DGKB: variants seen among roughly 807,000 people sequenced by gnomAD.
The protein encoded by DGKB is 90 kDa diacylglycerol kinase.
In DGKB, 67 loss-of-function variants were observed where a neutral mutation model predicts 114.3. That is an observed-to-expected ratio of 0.59 (90% CI 0.48 to 0.72). The LOEUF (loss-of-function observed/expected upper bound fraction) is 0.72. Among genes scored for constraint, DGKB ranks in the 30% least tolerant of loss-of-function variants. The probability of loss-of-function intolerance (pLI) is 0.00; values close to 1 mark genes in which losing one functional copy is unlikely to be tolerated. For missense variants in DGKB, 907 were observed against 975.2 expected (o/e 0.93, Z 0.93); for synonymous variants, 398 against 323.1 (o/e 1.23, Z -2.49).
At chr7:14,867,318 T>C (rs1851836139) in intron 1 of DGKB, among the ~76,000 whole-genome samples, 1 of 152,172 alleles carries the variant, frequency 6.6e-6, no homozygotes, top group East Asian at 1.9e-4. Flanking sequence ...GTCATCTAAG[T>C]ATTCTCTTAT....
In DGKB at chr7:14,148,847, A is replaced by C; in HGVS notation, c.*284T>G. 1 of 409,964 alleles carries C rather than the reference A, an allele frequency of 2.4e-6. No individual in the cohort carries two copies. The highest frequency in any genetic ancestry group is 4.4e-6 in the Non-Finnish European group (1 of 227,460). The allele number at this position is 409,964 out of a possible 1,614,324, so 25.4% of individuals were successfully genotyped here. On this transcript the variant is annotated 3_prime_UTR_variant, in exon 26 of 26. Transcript: ENST00000402815. ...CAGGTTAGTAAAAGGAAATTGGGGA[A>C]GAGTTGGGTGGGAGATGTAAAAATC...
chr7:14,841,016 C>G (rs1035497656), intron 2 of DGKB, among the ~76,000 whole-genome samples, 178 bp downstream of exon 2: 1 of 151,982 alleles, frequency 6.6e-6, no homozygotes, highest in East Asian at 1.9e-4. Context: ...TTTAATTTAC[C>G]TTTTCCTTTC....
chr7:14,575,210 CCT>C (rs1012864123), intron 19 of DGKB, among the ~76,000 whole-genome samples: 2 of 152,098 alleles, frequency 1.3e-5, no homozygotes, highest in Admixed American at 1.3e-4. Context: ...CTCAGATGCC[CCT>C]CTCACAGTCC....
At chr7:14,696,690 G>A (rs992430004) in intron 8 of DGKB, among the ~76,000 whole-genome samples, 17 of 152,040 alleles carry the variant, frequency 1.1e-4, no homozygotes, top group African/African-American at 3.9e-4. Context: ...AGAAATTCCT[G>A]GCTTTCAGTG....
chr7:14,267,488 T>A (rs1797685319), intron 23 of DGKB, among the ~76,000 whole-genome samples: 4 of 151,880 alleles, frequency 2.6e-5, no homozygotes, highest in African/African-American at 7.3e-5. Context: ...TCTTTTTTTT[T>A]TTATTATTTA....
At chr7:14,434,826 G>C (rs1829000434) in intron 21 of DGKB, among the ~76,000 whole-genome samples, 1 of 152,012 alleles carries the variant, frequency 6.6e-6, no homozygotes, top group Non-Finnish European at 1.5e-5. Context: ...GAACAAGATG[G>C]GAAACCAGTA....
chr7:14,899,703 C>T (rs1196438119), intron 1 of DGKB, among the ~76,000 whole-genome samples: 1 of 151,978 alleles, frequency 6.6e-6, no homozygotes, highest in Non-Finnish European at 1.5e-5. Context: ...GTGAGTGTGC[C>T]AACTTTGGAT....
At chr7:14,454,010 A>T (rs1477340861) in intron 21 of DGKB, among the ~76,000 whole-genome samples, 1 of 152,194 alleles carries the variant, frequency 6.6e-6, no homozygotes, top group East Asian at 1.9e-4. Flanking sequence ...TTTGTATTAT[A>T]TCTTATTGAT....
intron 25 of DGKB, among the ~76,000 whole-genome samples, chr7:14,160,557 C>G (rs1584133761): frequency 6.6e-6 from 1 of 152,158 alleles, no homozygotes; most frequent in South Asian, 2.1e-4. Context: ...GACTTACTTA[C>G]AAGGGATGTG....
chr7:14,928,236 T>C lies in DGKB; in HGVS notation c.-188+46460A>G, dbSNP rs571251855. ...GCTTGCATCCTAGTGCATGAGTTTA[T>C]AGAAATCTATTTAGTTGTAATCATG... On this transcript the variant is annotated intron_variant, in intron 1 of 4. Coordinates refer to the DGKB transcript ENST00000437998. Among the ~76,000 whole-genome samples the C allele has an allele frequency of 5.3e-5, 8 of 152,114 alleles. No individual in the cohort carries two copies. In the South Asian group the frequency reaches 1.4e-3, roughly 28 times the overall value.
At chr7:14,656,723 GATAT>G (rs1380145838) in intron 13 of DGKB, among the ~76,000 whole-genome samples, 2 of 139,418 alleles carry the variant, frequency 1.4e-5, no homozygotes, top group Non-Finnish European at 3.1e-5. Flanking sequence ...ATACATATAG[GATAT>G]ATATACAGTA....
intron 1 of DGKB, among the ~76,000 whole-genome samples, chr7:14,946,412 A>G (rs1446573036): frequency 6.6e-6 from 1 of 151,762 alleles, no homozygotes; most frequent in Non-Finnish European, 1.5e-5. Context: ...TCTTCTTAAT[A>G]TATTTCTTTG....
At chr7:14,703,087 T>G (rs1309009951) in intron 6 of DGKB, among the ~76,000 whole-genome samples, 3 of 152,164 alleles carry the variant, frequency 2.0e-5, no homozygotes, top group African/African-American at 7.2e-5. Flanking sequence ...AACAGCAACT[T>G]ACAACATTGT....
chr7:14,735,936 C>A lies in DGKB; in HGVS notation c.322+105G>T, dbSNP rs541526965. On this transcript the variant is annotated intron_variant, in intron 5 of 25. Coordinates refer to ENST00000402815, the MANE Select transcript of DGKB (RefSeq NM_001350709.2). ...TATTGTAAAAGTCTAAACCCTGTAA[C>A]AAAACAATTTTTATGCAAATCATCA... 4 of 733,120 alleles carry A rather than the reference C, an allele frequency of 5.5e-6. No homozygotes were observed. The South Asian group carries it at 1.3e-4, about 24-fold the overall frequency. 45.4% of individuals were successfully genotyped at this position (733,120 alleles called of 1,614,324 possible). A position where few individuals can be genotyped will look rare whatever the true frequency, so the allele number is the denominator to read the frequency against.
intron 21 of DGKB, among the ~76,000 whole-genome samples, chr7:14,421,787 A>G (rs1826750759): frequency 6.6e-6 from 1 of 152,090 alleles, no homozygotes; most frequent in South Asian, 2.1e-4. Flanking sequence ...GTAATTAGAG[A>G]TACTTAGACA....
rs1185287795 is a variant in DGKB, at chr7:14,575,572, G to A, written c.1610-1200C>T. 2.6e-5 allele frequency among the ~76,000 whole-genome samples: 4 copies of A among 152,092 alleles called. No homozygotes were observed. In the East Asian group the frequency reaches 7.7e-4, roughly 29 times the overall value. On this transcript the variant is annotated intron_variant, in intron 19 of 25. Coordinates refer to ENST00000402815, the MANE Select transcript of DGKB (RefSeq NM_001350709.2). The stretch of plus-strand genomic sequence containing the variant: ...TCTTGTGAAGATTAAGCAAGATAAT[G>A]CCTAAAAAGTTCTCAGTACATGAGT...
chr7:14,880,055 T>C (rs1039080039), intron 1 of DGKB, among the ~76,000 whole-genome samples: 2 of 152,066 alleles, frequency 1.3e-5, no homozygotes, highest in African/African-American at 2.4e-5. Context: ...ATAATTTCAG[T>C]TGAAGGATCA....
intron 2 of DGKB, among the ~76,000 whole-genome samples, chr7:14,821,930 C>A (rs1308535160): frequency 6.6e-6 from 1 of 152,010 alleles, no homozygotes; most frequent in Non-Finnish European, 1.5e-5. Context: ...GATAGTTGAC[C>A]TGCTGGTAGT....
intron 21 of DGKB, among the ~76,000 whole-genome samples, chr7:14,357,084 T>G (rs1814700759): frequency 6.6e-6 from 1 of 152,196 alleles, no homozygotes. Flanking sequence ...TGATTTGGGG[T>G]GCAGAGTTCT....
Sources: allele counts gnomAD v4.1 joint callset (sites outside exome capture counted in the v4.1 genomes callset), GRCh38; gene constraint gnomAD v4.1.1; transcripts MANE v1.5; gene names NCBI Gene and HGNC (gene_info 2026-07-23, HGNC 2026-07-21).